CEP63: variants seen among roughly 807,000 people sequenced by gnomAD.
The protein encoded by CEP63 is centrosomal protein of 63 kDa.
Under a neutral mutation model 89.1 loss-of-function variants are expected in CEP63, and 84 were observed. That is an observed-to-expected ratio of 0.94 (90% CI 0.79 to 1.13). CEP63 has a LOEUF of 1.13. Among genes scored for constraint, CEP63 ranks in the 50% most tolerant of loss-of-function variants. CEP63 has a pLI of 0.00. For synonymous variants in CEP63, 267 were observed against 272.5 expected, an observed-to-expected ratio of 0.98 and a Z score of 0.20; for missense variants, 838 against 813.3, an observed-to-expected ratio of 1.03 and a Z score of -0.37.
At chr3:134,592,786 T>C (rs538489061), downstream of CEP63, among the ~76,000 whole-genome samples, 7 of 152,292 alleles carry the variant, frequency 4.6e-5, no homozygotes, top group African/African-American at 1.7e-4. Flanking sequence ...CTATTAATTT[T>C]CTTCATGTGG....
rs1560059875 is a variant in CEP63 at position 134,562,076 on chromosome 3, C to T, written c.*541C>T. On this transcript the variant is annotated 3_prime_UTR_variant, in exon 15 of 15. Transcript: ENST00000675561. ...TGGTAGTGAATAAGGGGGGGGTGTG[C>T]TAAAGAACCTTATCAAGCAGTCCTC... 2 of 993,936 alleles carry T rather than the reference C, an allele frequency of 2.0e-6. No homozygotes were observed. Among genetic ancestry groups the T allele is most frequent in the Non-Finnish European group, 1.2e-6 (1 of 835,326 alleles). 61.6% of individuals were successfully genotyped at this position (993,936 alleles called of 1,614,324 possible).
the CEP63 span, among the ~76,000 whole-genome samples, chr3:134,758,601 C>T: frequency 1.3e-5 from 2 of 152,078 alleles, no homozygotes; most frequent in Non-Finnish European, 2.9e-5. Flanking sequence ...TAACATTTTG[C>T]AGGTATTTAT....
At chr3:134,498,699 A>T (rs185932646) in intron 2 of CEP63, among the ~76,000 whole-genome samples, 1 of 152,146 alleles carries the variant, frequency 6.6e-6, no homozygotes, top group Non-Finnish European at 1.5e-5. Flanking sequence ...GAGCTGTCTT[A>T]TATGGCCTTT....
intron 3 of CEP63, among the ~76,000 whole-genome samples, chr3:134,511,776 A>G (rs1332575416): frequency 1.3e-5 from 2 of 152,148 alleles, no homozygotes; most frequent in Non-Finnish European, 2.9e-5. Context: ...ATTCACTATC[A>G]CAAGAACAGC....
chr3:134,552,937 A>T (rs980656343), intron 12 of CEP63: 8 of 152,156 alleles, frequency 5.3e-5, no homozygotes, highest in Non-Finnish European at 8.8e-5. Flanking sequence ...AGAAATGCAT[A>T]CAAGCTTCTG....
At chr3:134,531,729 A>T in intron 3 of CEP63, 116 bp from the exon 4 acceptor site, 1 of 777,752 alleles carries the variant, frequency 1.3e-6, no homozygotes, top group Admixed American at 2.0e-5. Context: ...CACCATATAT[A>T]TGCATTTGAG....
chr3:134,609,005 G>T, the CEP63 span, among the ~76,000 whole-genome samples: 2 of 152,302 alleles, frequency 1.3e-5, no homozygotes, highest in African/African-American at 4.8e-5. Context: ...TCCAGAAATT[G>T]TAGTCAAGGC....
At chr3:134,529,499 TCTAA>T (rs961079794) in intron 3 of CEP63, among the ~76,000 whole-genome samples, 7 of 151,482 alleles carry the variant, frequency 4.6e-5, no homozygotes, top group Admixed American at 2.0e-4. Flanking sequence ...TGCCACCAGG[TCTAA>T]CTAATTTTTG....
At chr3:134,551,800 T>C (rs1954923046) in intron 11 of CEP63, 126 bp from the exon 12 acceptor site, 1 of 227,826 alleles carries the variant, frequency 4.4e-6, no homozygotes, top group Admixed American at 5.6e-5. Flanking sequence ...TATATAAATA[T>C]GTATATGTAT....
At chr3:134,730,912 A>G in the CEP63 span, among the ~76,000 whole-genome samples, 1 of 152,166 alleles carries the variant, frequency 6.6e-6, no homozygotes, top group South Asian at 2.1e-4. Context: ...CATTGAAGTC[A>G]AAGGACATGA....
At chr3:134,742,928 A>G in the CEP63 span, among the ~76,000 whole-genome samples, 5 of 152,258 alleles carry the variant, frequency 3.3e-5, no homozygotes, top group Non-Finnish European at 2.9e-5. Flanking sequence ...ATTCTGTTAT[A>G]GCAGCACAAA....
chr3:134,581,678 C>CCTTTTTTTTTTTT (rs1307921869), intron 10 of CEP63, among the ~76,000 whole-genome samples: 1 of 18,520 alleles, frequency 5.4e-5, no homozygotes, highest in African/African-American at 2.2e-4. Context: ...ATGATGAAAA[C>CCTTTTTTTTTTTT]ATTTTTTTTT....
intron 5 of CEP63, chr3:134,536,948 A>G (rs1206102945): frequency 1.1e-5 from 6 of 553,952 alleles, no homozygotes; most frequent in Non-Finnish European, 1.7e-5. Flanking sequence ...TTAAATTTAG[A>G]AAGACAGATA....
chr3:134,656,112 A>G, the CEP63 span, among the ~76,000 whole-genome samples: 3 of 152,090 alleles, frequency 2.0e-5, no homozygotes, highest in Non-Finnish European at 4.4e-5. Flanking sequence ...TTGAGACCTC[A>G]CTATGTGCAA....
chr3:134,747,886 A>G, the CEP63 span, among the ~76,000 whole-genome samples: 3 of 152,178 alleles, frequency 2.0e-5, no homozygotes, highest in East Asian at 5.8e-4. Flanking sequence ...CTCGGGTTGA[A>G]GCGATTCTCC....
chr3:134,597,893 G>A, the CEP63 span: 1 of 152,248 alleles, frequency 6.6e-6, no homozygotes, highest in Non-Finnish European at 1.5e-5. Flanking sequence ...TATGATCTGT[G>A]CTGCTGTTGG....
chr3:134,777,114 C>A, the CEP63 span, among the ~76,000 whole-genome samples: 1 of 152,160 alleles, frequency 6.6e-6, no homozygotes, highest in Non-Finnish European at 1.5e-5. Context: ...CTTTCTATTG[C>A]ATTATTGAGT....
At chr3:134,514,164 G>A (rs906814471) in intron 3 of CEP63, among the ~76,000 whole-genome samples, 1 of 151,976 alleles carries the variant, frequency 6.6e-6, no homozygotes, top group Non-Finnish European at 1.5e-5. Flanking sequence ...ATTAAAAACT[G>A]TAAAAAAAAT....
the CEP63 span, among the ~76,000 whole-genome samples, chr3:134,653,479 C>T: frequency 6.0e-4 from 91 of 152,310 alleles, no homozygotes; most frequent in African/African-American, 2.1e-3. Context: ...GTCCAACAGC[C>T]TAGCTTCTGG....
Sources: allele counts gnomAD v4.1 joint callset (sites outside exome capture counted in the v4.1 genomes callset), GRCh38; gene constraint gnomAD v4.1.1; transcripts MANE v1.5; gene names NCBI Gene and HGNC (gene_info 2026-07-23, HGNC 2026-07-21).